The following MARCHF10 variants were observed in gnomAD, a reference collection of about 807,000 sequenced individuals.
MARCHF10 encodes probable E3 ubiquitin-protein ligase MARCHF10.
A neutral mutation model predicts 76.2 loss-of-function variants in MARCHF10; 64 were observed. The observed-to-expected ratio is 0.84, with a 90% CI of 0.69 to 1.03. The LOEUF is 1.03. Among genes scored for constraint, MARCHF10 ranks in the 50% least tolerant of loss-of-function variants. MARCHF10 has a pLI of 0.00. For synonymous variants in MARCHF10, 340 were observed against 357.5 expected (o/e 0.95, Z 0.55); for missense variants, 875 against 958.0 (o/e 0.91, Z 1.14).
At chr17:62,798,752 G>T (rs1289041109) in intron 2 of MARCHF10, among the ~76,000 whole-genome samples, 1 of 152,214 alleles carries the variant, frequency 6.6e-6, no homozygotes, top group Non-Finnish European at 1.5e-5. Flanking sequence ...AGAAAGCTTT[G>T]CTCTTTTGTT....
Position 62,735,938 on chromosome 17 carries a change from G to A in MARCHF10, c.1930C>T (p.Gln644Ter). The change falls in exon 6 of 11, where the codon CAA becomes TAA. Residue 644 changes from glutamine (Q) to a stop codon, truncating the protein, a stop_gained. Transcript: ENST00000311269. LOFTEE classifies it high-confidence loss of function. ...KADPEKLKKL[Q>*]ESLLEEDSEE... ...ATTATGAAAAGTCCTCACCTTTCTT[G>A]CAATTTCTTGAGTTTCTCAGGGTCT... is the stretch of plus-strand genomic sequence containing the variant. The A allele has an allele frequency of 6.3e-7, 1 of 1,595,054 alleles. No homozygotes were observed. The highest frequency in any genetic ancestry group is 2.2e-5 in the East Asian group (1 of 44,814).
chr17:62,803,092 G>A (rs913196879), intron 1 of MARCHF10, among the ~76,000 whole-genome samples: 1 of 152,152 alleles, frequency 6.6e-6, no homozygotes, highest in African/African-American at 2.4e-5. Context: ...TTTGAGATCA[G>A]CCTTGGCAAT....
In MARCHF10 at chr17:62,785,605, G is replaced by A. The variant is rs533710997; in HGVS notation, c.210+2875C>T. 5.7e-4 allele frequency among the ~76,000 whole-genome samples: 87 copies of A among 152,192 alleles called. 1 individual carries two copies. The highest frequency in any genetic ancestry group is 2.0e-3 in the African/African-American group (84 of 41,526). On this transcript the variant is annotated intron_variant, in intron 3 of 10. Coordinates refer to ENST00000311269, the MANE Select transcript of MARCHF10 (RefSeq NM_152598.4). ...TGAACAGGCAACCTACAGAATGGGAGAAAATTTTTGCAATCTACCCATCTG... is the reference window on the plus strand; with the variant it reads ...TGAACAGGCAACCTACAGAATGGGAAAAAATTTTTGCAATCTACCCATCTG...
chr17:62,799,357 C>T (rs1834387514), intron 2 of MARCHF10, among the ~76,000 whole-genome samples: 1 of 152,166 alleles, frequency 6.6e-6, no homozygotes, highest in South Asian at 2.1e-4. Flanking sequence ...CCCTTCTAGT[C>T]CTTTCCATAT....
intron 3 of MARCHF10, among the ~76,000 whole-genome samples, chr17:62,786,193 T>C (rs954507484): frequency 6.6e-6 from 1 of 152,146 alleles, no homozygotes; most frequent in Non-Finnish European, 1.5e-5. Context: ...CATGGAATAC[T>C]ATGCAGCCAT....
At chr17:62,740,049 AGTGTGTGTGTGTGTGT>A (rs112894135) in intron 5 of MARCHF10, among the ~76,000 whole-genome samples, 11 of 145,430 alleles carry the variant, frequency 7.6e-5, no homozygotes, top group Non-Finnish European at 1.4e-4. Flanking sequence ...GCTTCTCTGC[AGTGTGTGTGTGTGTGT>A]GTGTGTGTGT....
intron 4 of MARCHF10, chr17:62,749,992 T>C (rs926987978): frequency 4.6e-5 from 7 of 152,346 alleles, no homozygotes; most frequent in African/African-American, 1.4e-4. Flanking sequence ...GAGGATGGGA[T>C]TTTATTGGTC....
intron 6 of MARCHF10, among the ~76,000 whole-genome samples, 196 bp from the exon 7 acceptor site, chr17:62,725,300 G>A (rs770627449): frequency 3.9e-4 from 60 of 152,214 alleles, no homozygotes; most frequent in Admixed American, 8.5e-4. Flanking sequence ...GTCTCACTCC[G>A]TTGCCCAGGC....
At chr17:62,805,190 T>C (rs1440805119) in intron 1 of MARCHF10, 2 of 152,238 alleles carry the variant, frequency 1.3e-5, no homozygotes, top group Non-Finnish European at 2.9e-5. Flanking sequence ...ATTTTGTCTC[T>C]AAGCATTTTA....
At chr17:62,769,044 C>T (rs531437573) in intron 3 of MARCHF10, among the ~76,000 whole-genome samples, 17 of 152,178 alleles carry the variant, frequency 1.1e-4, no homozygotes, top group South Asian at 4.1e-4. Flanking sequence ...GAATGTCTTA[C>T]GCTCTAAATT....
At chr17:62,774,761 C>T (rs1184086194) in intron 3 of MARCHF10, among the ~76,000 whole-genome samples, 1 of 152,082 alleles carries the variant, frequency 6.6e-6, no homozygotes, top group Non-Finnish European at 1.5e-5. Flanking sequence ...GCTTAAAAAT[C>T]TGCATCCTCA....
chr17:62,718,738 G>A (rs73992039), intron 8 of MARCHF10, among the ~76,000 whole-genome samples: 127 of 152,252 alleles, frequency 8.3e-4, no homozygotes, highest in African/African-American at 3.0e-3. Context: ...GCTGTTTATC[G>A]TCTCAGATCT....
At chr17:62,744,746 G>T (rs1404107075) in intron 4 of MARCHF10, among the ~76,000 whole-genome samples, 1 of 152,108 alleles carries the variant, frequency 6.6e-6, no homozygotes, top group Non-Finnish European at 1.5e-5. Context: ...CCAAGCCTCA[G>T]TTTCCCTACC....
At chr17:62,705,941 CCTCA>C (rs1359064296) in intron 9 of MARCHF10, among the ~76,000 whole-genome samples, 1 of 152,224 alleles carries the variant, frequency 6.6e-6, no homozygotes, top group African/African-American at 2.4e-5. Flanking sequence ...TGGCCACTTG[CCTCA>C]CCACTGGCTT....
At chr17:62,783,194 G>GTTTTTTT (rs201262979) in intron 3 of MARCHF10, among the ~76,000 whole-genome samples, 2 of 71,366 alleles carry the variant, frequency 2.8e-5, no homozygotes, top group African/African-American at 7.0e-5. Context: ...AAAATTGCCA[G>GTTTTTTT]TTTTTTTTTT....
At chr17:62,730,013 C>A (rs188911087) in intron 6 of MARCHF10, among the ~76,000 whole-genome samples, 1 of 152,308 alleles carries the variant, frequency 6.6e-6, no homozygotes, top group East Asian at 1.9e-4. Flanking sequence ...GAAGCCCCGT[C>A]TCTACTAAAA....
chr17:62,791,612 C>T (rs1274973895), intron 2 of MARCHF10, among the ~76,000 whole-genome samples: 2 of 152,158 alleles, frequency 1.3e-5, no homozygotes, highest in Non-Finnish European at 2.9e-5. Flanking sequence ...GGTACTTAAA[C>T]TTTTATCTTG....
At chr17:62,774,402 A>C (rs557567662) in intron 3 of MARCHF10, among the ~76,000 whole-genome samples, 1 of 152,154 alleles carries the variant, frequency 6.6e-6, no homozygotes, top group African/African-American at 2.4e-5. Context: ...CTGCCAGGGG[A>C]CTAACAGTGG....
intron 3 of MARCHF10, among the ~76,000 whole-genome samples, chr17:62,774,670 T>C (rs1327585021): frequency 6.6e-6 from 1 of 152,138 alleles, no homozygotes; most frequent in Admixed American, 6.6e-5. Context: ...AGAGTCTTCC[T>C]TCCTCCTGTA....
Sources: gnomAD v4.1 joint callset for allele counts (sites outside exome capture counted in the v4.1 genomes callset) on GRCh38, gnomAD v4.1.1 for gene constraint, MANE v1.5 for transcripts, NCBI Gene and HGNC (gene_info 2026-07-23, HGNC 2026-07-21) for gene names.